The following APOL1 variants were observed in gnomAD, a reference collection of about 807,000 sequenced individuals.
APOL1 encodes the protein apolipoprotein L1.
A neutral mutation model predicts 14.9 loss-of-function variants in APOL1; 17 were observed. That is an observed-to-expected ratio of 1.14 (90% CI 0.78 to 1.71). APOL1 has a LOEUF of 1.71. APOL1 is among the 40% of genes most tolerant of loss of function. The pLI, the probability that APOL1 is intolerant of heterozygous loss-of-function variation, is 0.00. For missense variants in APOL1, 523 were observed against 485.9 expected, an observed-to-expected ratio of 1.08 and a Z score of -0.72; for synonymous variants, 195 against 184.8, an observed-to-expected ratio of 1.05 and a Z score of -0.45.
intron 4 of APOL1, chr22:36,257,637 C>T: frequency 3.7e-6 from 2 of 534,756 alleles, no homozygotes; most frequent in East Asian, 3.0e-5. Flanking sequence ...TTCCTCCCTA[C>T]CCTGGCACCT....
chr22:36,254,242 T>C (rs901092554), intron 1 of APOL1, among the ~76,000 whole-genome samples: 1 of 151,598 alleles, frequency 6.6e-6, no homozygotes, highest in African/African-American at 2.4e-5. Context: ...ATCAGGGGGG[T>C]AATTTCTGTG....
At chr22:36,258,479 C>A (rs1311616082) in intron 4 of APOL1, among the ~76,000 whole-genome samples, 1 of 152,154 alleles carries the variant, frequency 6.6e-6, no homozygotes, top group East Asian at 1.9e-4. Flanking sequence ...GTTGGAAAAT[C>A]CCTGGTCACG....
At chr22:36,258,727 T>C (rs2015974890) in intron 4 of APOL1, among the ~76,000 whole-genome samples, 1 of 151,918 alleles carries the variant, frequency 6.6e-6, no homozygotes, top group Admixed American at 6.6e-5. Flanking sequence ...AGGTGTGGAG[T>C]AAGCATAAGG....
intron 4 of APOL1, among the ~76,000 whole-genome samples, chr22:36,259,176 C>T (rs1329103071): frequency 6.6e-6 from 1 of 152,168 alleles, no homozygotes; most frequent in East Asian, 1.9e-4. Flanking sequence ...CTTGCAGTTT[C>T]AGGGGGTTAC....
intron 1 of APOL1, among the ~76,000 whole-genome samples, chr22:36,253,490 T>C (rs767121525): frequency 5.9e-5 from 9 of 151,882 alleles, no homozygotes; most frequent in Non-Finnish European, 1.3e-4. Flanking sequence ...AGAAGGAAGG[T>C]TTGTGTTGGG....
chr22:36,260,525 C>G (rs2016044263), intron 4 of APOL1, among the ~76,000 whole-genome samples: 1 of 152,258 alleles, frequency 6.6e-6, no homozygotes, highest in South Asian at 2.1e-4. Context: ...CAGATCCCTG[C>G]AAACCACACG....
At chr22:36,261,842 A>G (rs546511283) in intron 5 of APOL1, 120 bp downstream of exon 5, 1 of 1,286,404 alleles carries the variant, frequency 7.8e-7, no homozygotes, top group South Asian at 1.6e-5. Flanking sequence ...GGGCTTGAGG[A>G]TGACCTTCTT....
chr22:36,266,701 C>G lies in APOL1; in HGVS notation c.*668C>G, dbSNP rs555947840. On this transcript the variant is annotated 3_prime_UTR_variant, in exon 6 of 6. Coordinates refer to ENST00000397278, the MANE Select transcript of APOL1 (RefSeq NM_003661.4). ...CGGGCGGATCACGAGGTCAGGAGAT[C>G]GAGACCATCCTGGCTAACACAGTGA... 1.1e-4 allele frequency: 40 copies of G among 364,078 alleles called. No individual in the cohort carries two copies. Among genetic ancestry groups the G allele is most frequent in the South Asian group, 5.5e-4 (4 of 7,210 alleles). 22.6% of individuals were successfully genotyped at this position (364,078 alleles called of 1,614,324 possible). A position where few individuals can be genotyped will look rare whatever the true frequency, so the allele number is the denominator to read the frequency against.
chr22:36,259,689 G>A (rs78188930), intron 4 of APOL1: 37,617 of 1,303,456 alleles, frequency 0.029, 682 homozygotes, highest in Non-Finnish European at 0.033. Flanking sequence ...GTCCAGAGGT[G>A]ACAGTGGAGA....
chr22:36,258,783 C>A (rs549653693), intron 4 of APOL1, among the ~76,000 whole-genome samples: 9 of 152,166 alleles, frequency 5.9e-5, no homozygotes, highest in African/African-American at 9.6e-5. Context: ...GAGGGCAATG[C>A]AGTTTTGTAC....
At chr22:36,256,022 T>G (rs2015863545) in intron 2 of APOL1, among the ~76,000 whole-genome samples, 2 of 152,232 alleles carry the variant, frequency 1.3e-5, no homozygotes, top group Admixed American at 1.3e-4. Flanking sequence ...CCAGTATTTC[T>G]TAACTTCCCT....
Position 36,265,989 on chromosome 22 carries a change from C to T in APOL1, c.1153C>T (p.Leu385Phe), listed in dbSNP as rs190804942. 1.4e-5 allele frequency: 23 copies of T among 1,612,362 alleles called. No individual in the cohort carries two copies. The Middle Eastern group carries it at 9.9e-4, about 69-fold the overall frequency. ...AQELEEKLNI[L>F]NNNYKILQAD... ...GGAGCTGGAGGAGAAGCTAAACATT[C>T]TCAACAATAATTATAAGATTCTGCA... Residue 385 changes from leucine to phenylalanine, a missense_variant, in exon 6 of 6, where the codon CTC becomes TTC. Coordinates refer to ENST00000397278, the MANE Select transcript of APOL1 (RefSeq NM_003661.4).
At chr22:36,253,327 G>A in intron 1 of APOL1, 108 bp downstream of exon 1, 1 of 263,166 alleles carries the variant, frequency 3.8e-6, no homozygotes, top group Non-Finnish European at 7.6e-6. Flanking sequence ...TAGCGGCAAA[G>A]CCTGGATTTG....
Position 36,265,642 on chromosome 22 carries a change from C to G in APOL1, c.806C>G (p.Ala269Gly), listed in dbSNP as rs995899996. ...AACATATCCAACTTTCTTTCCTTAGCTGGCAATACTTACCAACTCACACGA... is the reference window on the plus strand; with the variant it reads ...AACATATCCAACTTTCTTTCCTTAGGTGGCAATACTTACCAACTCACACGA... The part of the protein sequence containing the change: ...GENISNFLSL[A>G]GNTYQLTRGI... Residue 269 changes from alanine (A) to glycine (G), a missense_variant, in exon 6 of 6, where the codon GCT becomes GGT. Physicochemically the swap from Ala to Gly is moderately conservative, Grantham distance 60 (BLOSUM62 0). Coordinates refer to ENST00000397278, the MANE Select transcript of APOL1 (RefSeq NM_003661.4). 29 of 1,596,308 alleles carry G rather than the reference C, an allele frequency of 1.8e-5. No homozygotes were observed. The highest frequency in any genetic ancestry group is 2.2e-5 in the Non-Finnish European group (26 of 1,171,478).
chr22:36,261,716 T>C lies in APOL1; in HGVS notation c.308T>C (p.Leu103Pro). 1.2e-6 allele frequency: 2 copies of C among 1,613,890 alleles called. No individual in the cohort carries two copies. Among genetic ancestry groups the C allele is most frequent in the Non-Finnish European group, 1.7e-6 (2 of 1,179,818 alleles). ...AACGGATTCGTGGCTGCTGCTGAAC[T>C]GCCCAGGTAAGCTCCATGGGGTTAC... is the stretch of plus-strand genomic sequence containing the variant. ...AWNGFVAAAE[L>P]PRNEADELRK... The change falls in exon 5 of 6, where the codon CTG becomes CCG. Residue 103 changes from leucine (L) to proline (P), a missense_variant. By Grantham distance (98) the Leu-to-Pro change is moderately conservative. Transcript: ENST00000397278.
chr22:36,253,418 G>A (rs2015754672), intron 1 of APOL1, among the ~76,000 whole-genome samples, 199 bp downstream of exon 1: 1 of 152,224 alleles, frequency 6.6e-6, no homozygotes, highest in African/African-American at 2.4e-5. Context: ...GCTCAGATGG[G>A]TTCACAAAGC....
At chr22:36,255,952 A>G (rs2015860207) in intron 2 of APOL1, among the ~76,000 whole-genome samples, 1 of 152,076 alleles carries the variant, frequency 6.6e-6, no homozygotes, top group South Asian at 2.1e-4. Flanking sequence ...TATGTCTTCC[A>G]TTAGCAACTT....
At position 36,256,449 on chromosome 22, in the gene APOL1, C is replaced by T. The variant is rs191332425; in HGVS notation, c.45-634C>T. Reference sequence around the variant, plus strand: ...AATTTATATGAGGAATTAGAAACACCCTGAGGTCCATCAGCTAGGGAAAGA... The same window carrying T: ...AATTTATATGAGGAATTAGAAACACTCTGAGGTCCATCAGCTAGGGAAAGA... On this transcript the variant is annotated intron_variant, in intron 2 of 5. Transcript: ENST00000397278. 3.4e-3 allele frequency among the ~76,000 whole-genome samples: 516 copies of T among 152,172 alleles called. 1 individual carries two copies. Among genetic ancestry groups the T allele is most frequent in the Non-Finnish European group, 5.3e-3 (358 of 68,016 alleles).
Position 36,254,926 on chromosome 22 carries a change from TC to T in APOL1, c.-19-9del. Reference sequence around the variant, plus strand: ...GAGCACACTGTCTCAACCCCTCTTTTCCTGCTCAAGGAGGAGGCCCTGCAGC... The same window carrying T: ...GAGCACACTGTCTCAACCCCTCTTTTCTGCTCAAGGAGGAGGCCCTGCAGC... On this transcript the variant is annotated splice_polypyrimidine_tract_variant and intron_variant, in intron 1 of 5. Transcript: ENST00000397278. 1.2e-6 allele frequency: 2 copies of T among 1,613,786 alleles called. No homozygotes were observed. The highest frequency in any genetic ancestry group is 1.7e-6 in the Non-Finnish European group (2 of 1,179,746).
Sources: gnomAD v4.1 joint callset for allele counts (sites outside exome capture counted in the v4.1 genomes callset) on GRCh38, gnomAD v4.1.1 for gene constraint, MANE v1.5 for transcripts, NCBI Gene and HGNC (gene_info 2026-07-23, HGNC 2026-07-21) for gene names.